Variants in COA1 observed in about 807,000 individuals in gnomAD.
The protein encoded by COA1 is cytochrome c oxidase assembly factor 1, also known as cytochrome c oxidase assembly factor 1 homolog.
Under a neutral mutation model 16.0 loss-of-function variants are expected in COA1, and 13 were observed. The ratio of observed to expected loss-of-function variants is 0.81; its 90% CI spans 0.53 to 1.29. COA1 has a LOEUF of 1.29. Ranked by LOEUF, COA1 falls within the 50% of genes most tolerant of loss-of-function variation. The pLI is 0.00. For synonymous variants in COA1, 65 were observed against 65.7 expected (o/e 0.99, Z 0.05); for missense variants, 179 against 177.0 (o/e 1.01, Z -0.06).
At chr7:43,673,047 C>G (rs1421427815) in intron 1 of COA1, among the ~76,000 whole-genome samples, 1 of 152,048 alleles carries the variant, frequency 6.6e-6, no homozygotes. Context: ...GATGTAAAAC[C>G]TAAAACTAAA....
intron 1 of COA1, among the ~76,000 whole-genome samples, chr7:43,698,557 T>C (rs904521673): frequency 6.6e-6 from 1 of 152,228 alleles, no homozygotes; most frequent in African/African-American, 2.4e-5. Context: ...CAAAAGGCAA[T>C]GCAAAGCCTC....
At chr7:43,668,947 T>C (rs911905799) in intron 1 of COA1, among the ~76,000 whole-genome samples, 17 of 152,344 alleles carry the variant, frequency 1.1e-4, no homozygotes, top group Middle Eastern at 3.4e-3. Context: ...AGAGAACTTA[T>C]GTCTTGTATT....
intron 1 of COA1, among the ~76,000 whole-genome samples, chr7:43,702,335 A>G (rs985927729): frequency 2.0e-5 from 3 of 152,112 alleles, no homozygotes; most frequent in African/African-American, 4.8e-5. Context: ...TTCCAGCACT[A>G]TCTATTGAAT....
intron 6 of COA1, among the ~76,000 whole-genome samples, chr7:43,618,130 T>C (rs1396365305): frequency 6.6e-6 from 1 of 152,072 alleles, no homozygotes; most frequent in African/African-American, 2.4e-5. Flanking sequence ...AGGACCAATG[T>C]GATGGAGACA....
chr7:43,641,557 T>C (rs944271290), intron 4 of COA1: 1 of 152,144 alleles, frequency 6.6e-6, no homozygotes, highest in African/African-American at 2.4e-5. Context: ...CCAAAAAAAA[T>C]TCACTGTTTT....
chr7:43,661,011 G>A (rs774597281), intron 1 of COA1, among the ~76,000 whole-genome samples: 1 of 147,692 alleles, frequency 6.8e-6, no homozygotes, highest in African/African-American at 2.4e-5. Context: ...AGTGCCACAG[G>A]CCCTGGCACT....
intron 1 of COA1, among the ~76,000 whole-genome samples, chr7:43,684,177 C>G (rs2093907238): frequency 6.6e-6 from 1 of 152,088 alleles, no homozygotes; most frequent in Non-Finnish European, 1.5e-5. Flanking sequence ...AACCTTCCAC[C>G]TCAGATCATC....
In COA1 at chr7:43,647,592, G is replaced by C; in HGVS notation, c.58C>G (p.Leu20Val). The change falls in exon 3 of 6, where the codon CTT becomes GTT. Residue 20 changes from leucine to valine, a missense_variant. Leu to Val is a conservative substitution (Grantham distance 32, BLOSUM62 1). Coordinates refer to ENST00000223336, the MANE Select transcript of COA1 (RefSeq NM_018224.4). ...CCGGCATAGAACACACCGTGGAAAA[G>C]GATCCTTGCTCCCAGAGGCATTGAC... ...RRSMPLGARI[L>V]FHGVFYAGGF... is the part of the protein sequence containing the mutation. 1.9e-6 allele frequency: 3 copies of C among 1,614,008 alleles called. No individual in the cohort carries two copies. The highest frequency in any genetic ancestry group is 2.5e-6 in the Non-Finnish European group (3 of 1,179,902).
At chr7:43,669,540 G>A (rs2093122643) in intron 1 of COA1, among the ~76,000 whole-genome samples, 1 of 151,950 alleles carries the variant, frequency 6.6e-6, no homozygotes, top group Non-Finnish European at 1.5e-5. Flanking sequence ...AGTTTTTTCC[G>A]CGGGCTACGT....
chr7:43,620,917 A>T (rs1280861254), intron 6 of COA1, among the ~76,000 whole-genome samples: 1 of 152,100 alleles, frequency 6.6e-6, no homozygotes, highest in East Asian at 1.9e-4. Context: ...GGCCTGAGGG[A>T]AGACTCTGTG....
intron 1 of COA1, among the ~76,000 whole-genome samples, chr7:43,665,402 A>C (rs2092813595): frequency 6.6e-6 from 1 of 152,228 alleles, no homozygotes; most frequent in African/African-American, 2.4e-5. Flanking sequence ...TCCATGCTTT[A>C]AAGAAAATAC....
intron 1 of COA1, among the ~76,000 whole-genome samples, chr7:43,653,735 G>A (rs1012998261): frequency 6.6e-6 from 1 of 151,888 alleles, no homozygotes; most frequent in African/African-American, 2.4e-5. Flanking sequence ...AAGTAATGGC[G>A]AAAACCACAA....
chr7:43,720,907 T>C (rs1157154596), intron 1 of COA1, among the ~76,000 whole-genome samples: 1 of 152,234 alleles, frequency 6.6e-6, no homozygotes, highest in Non-Finnish European at 1.5e-5. Context: ...AACATCTCCA[T>C]TAAGGCTTCA....
chr7:43,662,820 C>T (rs550158083), intron 1 of COA1, among the ~76,000 whole-genome samples: 4 of 152,250 alleles, frequency 2.6e-5, no homozygotes, highest in East Asian at 3.9e-4. Context: ...GGGGCCCTGA[C>T]GCCAAAATAT....
intron 6 of COA1, among the ~76,000 whole-genome samples, chr7:43,613,792 TATG>T (rs1423060546): frequency 6.6e-6 from 1 of 152,172 alleles, no homozygotes. Context: ...TGCAGTGGGC[TATG>T]ATTGCACCCT....
intron 6 of COA1, among the ~76,000 whole-genome samples, chr7:43,616,879 A>G (rs2083402949): frequency 6.6e-6 from 1 of 152,146 alleles, no homozygotes; most frequent in South Asian, 2.1e-4. Context: ...CCTGGGCAAA[A>G]GAGTGAGACT....
At chr7:43,681,996 A>T (rs1474293623) in intron 1 of COA1, among the ~76,000 whole-genome samples, 2 of 152,208 alleles carry the variant, frequency 1.3e-5, no homozygotes, top group African/African-American at 4.8e-5. Flanking sequence ...GATGTATAAA[A>T]AATAGTGTGG....
At chr7:43,701,154 G>C (rs1374641909) in intron 1 of COA1, among the ~76,000 whole-genome samples, 2 of 150,766 alleles carry the variant, frequency 1.3e-5, no homozygotes, top group Non-Finnish European at 2.9e-5. Flanking sequence ...TTTTTTACAT[G>C]GGTATACTGC....
Position 43,710,375 on chromosome 7 carries a change from A to AAAAT in COA1, c.-39+19053_-39+19054insATTT, listed in dbSNP as rs761592421. The stretch of plus-strand genomic sequence containing the variant: ...AAAAAAAAAAAAAAAAAAAAAAAAA[A>AAAAT]ATATATATATATATATATATTTTTA... On this transcript the variant is annotated intron_variant, in intron 1 of 5. Coordinates refer to ENST00000223336, the MANE Select transcript of COA1 (RefSeq NM_018224.4). Among the ~76,000 whole-genome samples the AAAAT allele has an allele frequency of 6.9e-3, 252 of 36,392 alleles. 12 individuals are homozygous for AAAAT. Among genetic ancestry groups the AAAAT allele is most frequent in the Non-Finnish European group, 9.0e-3 (192 of 21,310 alleles). 23.9% of individuals were successfully genotyped at this position (36,392 alleles called of 152,430 possible).
Sources: allele counts gnomAD v4.1 joint callset (sites outside exome capture counted in the v4.1 genomes callset), GRCh38; gene constraint gnomAD v4.1.1; transcripts MANE v1.5; gene names NCBI Gene and HGNC (gene_info 2026-07-23, HGNC 2026-07-21).